ARHGAP32: variants seen among roughly 807,000 people sequenced by gnomAD.
The protein encoded by ARHGAP32 is rho GTPase-activating protein 32.
Under a neutral mutation model 186.5 loss-of-function variants are expected in ARHGAP32, and 51 were observed. The ratio of observed to expected loss-of-function variants is 0.27; its 90% CI spans 0.22 to 0.35. The LOEUF is 0.35. ARHGAP32 is among the 10% of genes least tolerant of loss of function. The pLI is 1.00. For missense variants in ARHGAP32, 2,186 were observed against 2,623.5 expected, an observed-to-expected ratio of 0.83 and a Z score of 3.64; for synonymous variants, 950 against 964.3, an observed-to-expected ratio of 0.99 and a Z score of 0.27.
chr11:129,168,995 T>A (rs1943697809), intron 1 of ARHGAP32, among the ~76,000 whole-genome samples: 1 of 152,120 alleles, frequency 6.6e-6, no homozygotes, highest in Non-Finnish European at 1.5e-5. Flanking sequence ...TGAAAATGTG[T>A]GGGATACAAC....
chr11:129,256,780 A>G (rs1002173567), intron 1 of ARHGAP32, among the ~76,000 whole-genome samples: 2 of 152,196 alleles, frequency 1.3e-5, no homozygotes, highest in African/African-American at 4.8e-5. Flanking sequence ...AAAGAAGTCC[A>G]AACTATAGTG....
At chr11:129,010,331 A>T (rs1376876159) in intron 11 of ARHGAP32, among the ~76,000 whole-genome samples, 1 of 151,986 alleles carries the variant, frequency 6.6e-6, no homozygotes, top group Non-Finnish European at 1.5e-5. Context: ...CTTTTGTTGC[A>T]ATTGTTTTTG....
At chr11:129,073,618 C>T (rs1591590465) in intron 6 of ARHGAP32, among the ~76,000 whole-genome samples, 1 of 151,874 alleles carries the variant, frequency 6.6e-6, no homozygotes, top group East Asian at 1.9e-4. Flanking sequence ...TACATACATA[C>T]TGAAAATACC....
In ARHGAP32 at chr11:128,990,237, T is replaced by C. The variant is rs140344659; in HGVS notation, c.1196-2112A>G. The stretch of plus-strand genomic sequence containing the variant: ...CGAGCCTTCATTGAATACCCACAAG[T>C]AGAGGTGGCTGAGCACTGTGTTCTA... On this transcript the variant is annotated intron_variant, in intron 12 of 22. Coordinates refer to ENST00000682385, the MANE Select transcript of ARHGAP32 (RefSeq NM_001378024.1). 3.4e-3 allele frequency among the ~76,000 whole-genome samples: 524 copies of C among 152,274 alleles called. 4 individuals are homozygous for C. Among genetic ancestry groups the C allele is most frequent in the African/African-American group, 0.012 (498 of 41,562 alleles).
chr11:128,974,081 T>G (rs577473798), intron 21 of ARHGAP32, 43 bp downstream of exon 21: 1 of 1,595,770 alleles, frequency 6.3e-7, no homozygotes, highest in Non-Finnish European at 8.5e-7. Context: ...GGATTGAAGA[T>G]CCCTCTTAAC....
At chr11:129,221,631 A>T (rs1178992062) in intron 1 of ARHGAP32, among the ~76,000 whole-genome samples, 3 of 151,366 alleles carry the variant, frequency 2.0e-5, no homozygotes, top group Admixed American at 2.0e-4. Context: ...CCCATCCTGC[A>T]ATGGTGAATA....
At position 128,967,023 on chromosome 11, in the gene ARHGAP32, CCA is replaced by C. The variant is rs1486346846; in HGVS notation, c.*1882_*1883del. 2.0e-5 allele frequency: 3 copies of C among 152,170 alleles called. No homozygotes were observed. The highest frequency in any genetic ancestry group is 4.8e-5 in the African/African-American group (2 of 41,426). The allele number at this position is 152,170 out of a possible 1,614,324, so 9.4% of individuals were successfully genotyped here. A position where few individuals can be genotyped will look rare whatever the true frequency, so the allele number is the denominator to read the frequency against. On this transcript the variant is annotated 3_prime_UTR_variant, in exon 23 of 23. Coordinates refer to ENST00000682385, the MANE Select transcript of ARHGAP32 (RefSeq NM_001378024.1). ...ACTTTTAATGTAGAGGCCTCAATTT[CCA>C]CAGACCTTTTCACATATGGGTGTTT...
intron 1 of ARHGAP32, among the ~76,000 whole-genome samples, chr11:129,183,310 A>G (rs1160044677): frequency 1.3e-5 from 2 of 152,036 alleles, no homozygotes; most frequent in South Asian, 2.1e-4. Context: ...TTTTTCCTAC[A>G]AAGTTTCTTG....
intron 1 of ARHGAP32, among the ~76,000 whole-genome samples, chr11:129,176,643 C>T (rs1054221516): frequency 8.0e-5 from 12 of 150,132 alleles, no homozygotes; most frequent in East Asian, 2.0e-4. Context: ...CACTCAAAAC[C>T]GCTCAACTAC....
At chr11:129,050,818 T>A (rs535571230) in intron 10 of ARHGAP32, among the ~76,000 whole-genome samples, 1 of 152,088 alleles carries the variant, frequency 6.6e-6, no homozygotes, top group Non-Finnish European at 1.5e-5. Flanking sequence ...AACAGGCCCA[T>A]GTGTGATGCT....
rs1262366442 is a variant in ARHGAP32, at chr11:129,064,928, G to A, written c.675C>T (p.Val225=). 1 of 1,584,744 alleles carries A rather than the reference G, an allele frequency of 6.3e-7. No individual in the cohort carries two copies. Among genetic ancestry groups the A allele is most frequent in the Non-Finnish European group, 8.6e-7 (1 of 1,165,200 alleles). ...SDTLKDSPES[V]TQMLMAYLSR... ...ACAGGTAAGCCATAAGCATCTGAGTGACCGACTGAAAAGAAAAAGATCAGT... is the reference window on the plus strand; with the variant it reads ...ACAGGTAAGCCATAAGCATCTGAGTAACCGACTGAAAAGAAAAAGATCAGT... Residue 225 remains valine (V), a synonymous_variant, in exon 8 of 23, where the codon GTC becomes GTT. Coordinates refer to ENST00000682385, the MANE Select transcript of ARHGAP32 (RefSeq NM_001378024.1).
At chr11:129,035,618 C>G (rs886423580) in intron 11 of ARHGAP32, among the ~76,000 whole-genome samples, 2 of 151,932 alleles carry the variant, frequency 1.3e-5, no homozygotes, top group African/African-American at 4.8e-5. Context: ...GAAGCCAAGG[C>G]AGGCGGATCA....
chr11:129,221,217 G>A (rs1944706169), intron 1 of ARHGAP32, among the ~76,000 whole-genome samples: 2 of 152,080 alleles, frequency 1.3e-5, no homozygotes, highest in African/African-American at 4.8e-5. Flanking sequence ...TCTATGCGAA[G>A]CCATGAAGTC....
intron 12 of ARHGAP32, among the ~76,000 whole-genome samples, chr11:128,992,450 A>C (rs11221528): frequency 0.015 from 2,146 of 143,348 alleles, 43 homozygotes; most frequent in African/African-American, 0.045. Flanking sequence ...ACCACCACCA[A>C]CAACAACACA....
chr11:129,230,808 G>T (rs573102668), intron 1 of ARHGAP32, among the ~76,000 whole-genome samples: 1 of 152,070 alleles, frequency 6.6e-6, no homozygotes, highest in Non-Finnish European at 1.5e-5. Context: ...ATAAAAAAGA[G>T]CCCAAAATTT....
chr11:129,148,528 G>A (rs878974957), intron 2 of ARHGAP32, among the ~76,000 whole-genome samples: 1 of 152,188 alleles, frequency 6.6e-6, no homozygotes. Flanking sequence ...TTCAGGGAAG[G>A]CAGGCAGCAG....
chr11:129,176,971 C>A (rs1265849823), intron 1 of ARHGAP32, among the ~76,000 whole-genome samples: 1 of 151,086 alleles, frequency 6.6e-6, no homozygotes, highest in Non-Finnish European at 1.5e-5. Context: ...ACACAAAAAA[C>A]CCTTCAAAAA....
rs1565347919 is a variant in ARHGAP32, at chr11:128,972,825, A to C, written c.3681T>G (p.Pro1227=). Reference sequence around the variant, plus strand: ...CCACACTTGCACCAAGATAAGAAGGAGGCTGATCTCCACTGTAGAAACGGG... The same window carrying C: ...CCACACTTGCACCAAGATAAGAAGGCGGCTGATCTCCACTGTAGAAACGGG... The part of the protein sequence containing the change: ...SPPRFYSGDQ[P]PSYLGASVDK... Residue 1227 remains proline (P), a synonymous_variant, in exon 22 of 23, where the codon CCT becomes CCG. Transcript: ENST00000682385. The C allele has an allele frequency of 6.2e-7, 1 of 1,614,012 alleles. No individual in the cohort carries two copies. Among genetic ancestry groups the C allele is most frequent in the South Asian group, 1.1e-5 (1 of 91,060 alleles).
At chr11:129,151,090 A>G (rs1298150230) in intron 2 of ARHGAP32, among the ~76,000 whole-genome samples, 1 of 150,822 alleles carries the variant, frequency 6.6e-6, no homozygotes, top group Non-Finnish European at 1.5e-5. Context: ...TTTATACCAG[A>G]AAAAAACAGA....
Sources: allele counts gnomAD v4.1 joint callset (sites outside exome capture counted in the v4.1 genomes callset), GRCh38; gene constraint gnomAD v4.1.1; transcripts MANE v1.5; gene names NCBI Gene and HGNC (gene_info 2026-07-23, HGNC 2026-07-21).